Variants in TMEM242 observed in about 807,000 individuals in gnomAD.
TMEM242 encodes the protein transmembrane protein 242.
TMEM242 carries 10 observed loss-of-function variants against 18.2 expected under a neutral mutation model. That is an observed-to-expected ratio of 0.55 (90% confidence interval 0.34 to 0.93). TMEM242 has a LOEUF of 0.93. TMEM242 is among the 40% of genes least tolerant of loss of function. The probability of loss-of-function intolerance (pLI) is 0.02; values close to 1 mark genes in which losing one functional copy is unlikely to be tolerated. For missense variants in TMEM242, 186 were observed against 175.5 expected, an observed-to-expected ratio of 1.06 and a Z score of -0.34; for synonymous variants, 57 against 69.9, an observed-to-expected ratio of 0.81 and a Z score of 0.92.
chr6:157,320,011 A>G (rs1778467231), intron 2 of TMEM242, among the ~76,000 whole-genome samples: 1 of 152,232 alleles, frequency 6.6e-6, no homozygotes, highest in Non-Finnish European at 1.5e-5. Flanking sequence ...GATATTATCA[A>G]TGTTAGAAAA....
At chr6:157,315,550 T>A (rs147693025) in intron 3 of TMEM242, among the ~76,000 whole-genome samples, 3,785 of 152,292 alleles carry the variant, frequency 0.025, 157 homozygotes, top group African/African-American at 0.086. Context: ...GAACTCTCTT[T>A]CTTTGTGGTC....
intron 3 of TMEM242, among the ~76,000 whole-genome samples, chr6:157,317,294 C>A (rs1778409016): frequency 6.6e-6 from 1 of 152,184 alleles, no homozygotes; most frequent in Non-Finnish European, 1.5e-5. Context: ...TCACCAATGG[C>A]TGTCACACTG....
chr6:157,291,208 G>A lies in TMEM242; in HGVS notation c.*1693C>T, dbSNP rs1777679040. The A allele has an allele frequency of 6.6e-6, 1 of 152,236 alleles. No homozygotes were observed. The highest frequency in any genetic ancestry group is 2.4e-5 in the African/African-American group (1 of 41,466). 9.4% of individuals were successfully genotyped at this position (152,236 alleles called of 1,614,324 possible). On this transcript the variant is annotated 3_prime_UTR_variant, in exon 4 of 4. Transcript: ENST00000400788. ...TGGGCAAGTCTCCTTTCTCCACCCA[G>A]TGGAGGCCTTTAGAAACCACTAGGC... is the stretch of plus-strand genomic sequence containing the variant.
At chr6:157,300,245 G>GC (rs1241287285) in intron 3 of TMEM242, 6 of 366,068 alleles carry the variant, frequency 1.6e-5, no homozygotes, top group Middle Eastern at 8.5e-4. Flanking sequence ...CGCAAGACAC[G>GC]CCCCCTGGCC....
At chr6:157,313,111 T>TCCGCTCACCTACCCTCATCATA (rs1778244546) in intron 3 of TMEM242, among the ~76,000 whole-genome samples, 1 of 118,114 alleles carries the variant, frequency 8.5e-6, no homozygotes, top group African/African-American at 3.3e-5. Flanking sequence ...TGTCCCAGTG[T>TCCGCTCACCTACCCTCATCATA]GTGCTCACCC....
chr6:157,322,915 T>G, intron 1 of TMEM242, 110 bp from the exon 2 acceptor site: 3 of 929,304 alleles, frequency 3.2e-6, no homozygotes, highest in Middle Eastern at 2.7e-4. Context: ...ACAATCAAAA[T>G]CACTTTTGAA....
At chr6:157,321,240 C>T (rs1778492627) in intron 2 of TMEM242, among the ~76,000 whole-genome samples, 1 of 152,056 alleles carries the variant, frequency 6.6e-6, no homozygotes, top group South Asian at 2.1e-4. Flanking sequence ...AGTCTCCTGA[C>T]CTCATGATCC....
intron 3 of TMEM242, among the ~76,000 whole-genome samples, chr6:157,309,060 T>C (rs1554248118): frequency 6.6e-6 from 1 of 152,184 alleles, no homozygotes; most frequent in African/African-American, 2.4e-5. Context: ...GGGTTCCCTA[T>C]AGTGATTAAA....
intron 3 of TMEM242, among the ~76,000 whole-genome samples, chr6:157,304,462 CAAAAAAAA>C (rs782782714): frequency 1.9e-4 from 13 of 67,258 alleles, no homozygotes; most frequent in South Asian, 5.7e-4. Context: ...GAGACTCTGT[CAAAAAAAA>C]AAAAAAAAAA....
intron 3 of TMEM242, among the ~76,000 whole-genome samples, chr6:157,298,437 A>G (rs182375256): frequency 5.3e-5 from 8 of 152,296 alleles, no homozygotes; most frequent in Admixed American, 3.9e-4. Context: ...TCAGATCACT[A>G]TTTTCATATC....
chr6:157,317,768 T>C (rs1364855847), intron 3 of TMEM242, among the ~76,000 whole-genome samples: 3 of 152,216 alleles, frequency 2.0e-5, no homozygotes, highest in Non-Finnish European at 4.4e-5. Flanking sequence ...CATCCTTCAG[T>C]TGCTCAGGCC....
intron 3 of TMEM242, among the ~76,000 whole-genome samples, chr6:157,313,096 C>A (rs1583570877): frequency 8.2e-5 from 10 of 122,616 alleles, no homozygotes; most frequent in East Asian, 2.3e-4. Context: ...CTGGCCTCAT[C>A]AAAGTGTCCC....
At chr6:157,316,938 T>C (rs1778402420) in intron 3 of TMEM242, among the ~76,000 whole-genome samples, 1 of 151,520 alleles carries the variant, frequency 6.6e-6, no homozygotes, top group Non-Finnish European at 1.5e-5. Context: ...CCATCATCTG[T>C]CTATCAGTGT....
At chr6:157,315,915 T>C (rs1049792949) in intron 3 of TMEM242, among the ~76,000 whole-genome samples, 1 of 152,244 alleles carries the variant, frequency 6.6e-6, no homozygotes. Context: ...ATGTGTTCTA[T>C]GTGAAATGAA....
intron 3 of TMEM242, chr6:157,299,050 G>A (rs587644433): frequency 6.5e-6 from 2 of 307,150 alleles, no homozygotes; most frequent in South Asian, 4.0e-5. Flanking sequence ...CAACTTTAAA[G>A]CTTCAGTTCC....
chr6:157,295,861 G>A (rs782673028), intron 3 of TMEM242, among the ~76,000 whole-genome samples: 12 of 152,236 alleles, frequency 7.9e-5, no homozygotes, highest in East Asian at 1.9e-4. Flanking sequence ...AAATCGAAAC[G>A]CAGACATTTA....
chr6:157,316,073 C>T (rs113134763), intron 3 of TMEM242, among the ~76,000 whole-genome samples: 2,127 of 152,294 alleles, frequency 0.014, 22 homozygotes, highest in Admixed American at 0.03. Flanking sequence ...CTAAGTGAGA[C>T]TATTTGTATT....
chr6:157,310,656 GGCCTC>G (rs1778005392), intron 3 of TMEM242, among the ~76,000 whole-genome samples: 1 of 3,472 alleles, frequency 2.9e-4, no homozygotes, highest in Non-Finnish European at 1.3e-3. Flanking sequence ...TCGCTCACCC[GGCCTC>G]ATCATAGTGT....
chr6:157,308,417 A>C (rs1554248073), intron 3 of TMEM242, among the ~76,000 whole-genome samples: 4 of 152,214 alleles, frequency 2.6e-5, no homozygotes, highest in African/African-American at 9.7e-5. Context: ...AGCTACAAAA[A>C]AGAACTGGAG....
Sources: gnomAD v4.1 joint callset for allele counts (sites outside exome capture counted in the v4.1 genomes callset) on GRCh38, gnomAD v4.1.1 for gene constraint, MANE v1.5 for transcripts, NCBI Gene and HGNC (gene_info 2026-07-23, HGNC 2026-07-21) for gene names.